The following TBCK variants were observed in gnomAD, a reference collection of about 807,000 sequenced individuals.
TBCK encodes TBC domain-containing protein kinase-like protein.
In TBCK, 99 loss-of-function variants were observed where a neutral mutation model predicts 113.4. The ratio of observed to expected loss-of-function variants is 0.87; its 90% CI spans 0.74 to 1.03. The LOEUF (loss-of-function observed/expected upper bound fraction) is 1.03. TBCK is among the 50% of genes least tolerant of loss of function. TBCK has a pLI of 0.00. For missense variants in TBCK, 1,045 were observed against 1,061.3 expected, an observed-to-expected ratio of 0.98 and a Z score of 0.21; for synonymous variants, 369 against 370.8, an observed-to-expected ratio of 1.00 and a Z score of 0.05.
At chr4:106,061,043 CA>C (rs58153651) in intron 25 of TBCK, among the ~76,000 whole-genome samples, 48,543 of 148,256 alleles carry the variant, frequency 0.33, 7,976 homozygotes, top group African/African-American at 0.37. Flanking sequence ...TATGAATGTG[CA>C]AAAAAAAAAG....
At chr4:106,197,001 C>T (rs953585830) in intron 20 of TBCK, among the ~76,000 whole-genome samples, 8 of 152,192 alleles carry the variant, frequency 5.3e-5, no homozygotes, top group African/African-American at 1.9e-4. Flanking sequence ...GATTTACCTC[C>T]TGAACTGAAA....
intron 8 of TBCK, 98 bp downstream of exon 8, chr4:106,248,823 A>T (rs1761115251): frequency 1.0e-6 from 1 of 961,118 alleles, no homozygotes; most frequent in African/African-American, 1.7e-5. Context: ...TAGTTTCAAT[A>T]ACTGTGGAAA....
At chr4:106,070,135 T>C (rs552115329) in intron 25 of TBCK, among the ~76,000 whole-genome samples, 13 of 152,248 alleles carry the variant, frequency 8.5e-5, no homozygotes, top group African/African-American at 2.9e-4. Context: ...CCTTTATTTC[T>C]TTCTCCTGCC....
intron 23 of TBCK, among the ~76,000 whole-genome samples, chr4:106,130,668 G>A (rs1425984164): frequency 6.6e-6 from 1 of 151,072 alleles, no homozygotes; most frequent in Admixed American, 6.6e-5. Flanking sequence ...CTGAGTAGTG[G>A]AATTAATTTT....
intron 25 of TBCK, among the ~76,000 whole-genome samples, chr4:106,064,895 T>A (rs1231715220): frequency 6.6e-6 from 1 of 151,872 alleles, no homozygotes; most frequent in Non-Finnish European, 1.5e-5. Flanking sequence ...AACAGCACAA[T>A]AACACATTAA....
chr4:106,280,041 A>G lies in TBCK; in HGVS notation c.266+15053T>C, dbSNP rs530162421. Among the ~76,000 whole-genome samples the G allele has an allele frequency of 2.5e-4, 38 of 152,256 alleles. No individual in the cohort carries two copies. In the South Asian group the frequency reaches 7.7e-3, roughly 31 times the overall value. On this transcript the variant is annotated intron_variant, in intron 3 of 25. Coordinates refer to ENST00000394708, the MANE Select transcript of TBCK (RefSeq NM_001163435.3). ...CTCCATAGCAGTTATACGAATTTAC[A>G]TTCCACCAATAGCGTAAAAGGGTTT...
At chr4:106,231,673 A>G in intron 18 of TBCK, 56 bp downstream of exon 18, 7 of 1,509,356 alleles carry the variant, frequency 4.6e-6, no homozygotes, top group South Asian at 3.6e-5. Context: ...TCATGTGTGA[A>G]TCAAATATTT....
chr4:106,265,458 G>C (rs1430832001), intron 3 of TBCK, among the ~76,000 whole-genome samples: 1 of 151,560 alleles, frequency 6.6e-6, no homozygotes, highest in Non-Finnish European at 1.5e-5. Flanking sequence ...TTAACTTTCT[G>C]TTTTAAGAGC....
At chr4:106,180,582 G>A (rs1752239318) in intron 22 of TBCK, among the ~76,000 whole-genome samples, 1 of 151,822 alleles carries the variant, frequency 6.6e-6, no homozygotes, top group Non-Finnish European at 1.5e-5. Flanking sequence ...CCCTCTCTGT[G>A]TCCATGTGTC....
At chr4:106,091,694 T>C (rs1303406607) in intron 25 of TBCK, among the ~76,000 whole-genome samples, 23 of 152,232 alleles carry the variant, frequency 1.5e-4, no homozygotes, top group African/African-American at 5.5e-4. Flanking sequence ...TGGTGAGTGT[T>C]ACAGCTCATA....
chr4:106,157,734 A>G (rs1749298155), intron 23 of TBCK, among the ~76,000 whole-genome samples: 1 of 152,130 alleles, frequency 6.6e-6, no homozygotes, highest in Non-Finnish European at 1.5e-5. Context: ...TTTCAGTGAC[A>G]TGAAGTTAAA....
intron 20 of TBCK, among the ~76,000 whole-genome samples, chr4:106,206,993 T>C (rs531887154): frequency 5.3e-5 from 8 of 152,300 alleles, no homozygotes; most frequent in African/African-American, 1.9e-4. Flanking sequence ...CTGAATACTA[T>C]TCACAGAATT....
chr4:106,181,413 T>C (rs547756680), intron 22 of TBCK, among the ~76,000 whole-genome samples: 2 of 152,310 alleles, frequency 1.3e-5, no homozygotes, highest in South Asian at 4.1e-4. Context: ...TTGCCATTGC[T>C]TTTGGTGTTT....
At chr4:106,219,429 G>T (rs1442995062) in intron 19 of TBCK, among the ~76,000 whole-genome samples, 4 of 150,514 alleles carry the variant, frequency 2.7e-5, no homozygotes, top group Non-Finnish European at 5.9e-5. Context: ...TATAAAAAAA[G>T]ACATAAGAAT....
intron 5 of TBCK, among the ~76,000 whole-genome samples, chr4:106,254,159 A>G (rs1338713167): frequency 2.0e-5 from 3 of 152,090 alleles, no homozygotes; most frequent in African/African-American, 7.2e-5. Context: ...CAAGGATTTT[A>G]TTTGGGACTT....
chr4:106,205,044 C>T (rs930672050), intron 20 of TBCK, among the ~76,000 whole-genome samples: 2 of 152,118 alleles, frequency 1.3e-5, no homozygotes, highest in African/African-American at 4.8e-5. Context: ...GGATTACACG[C>T]GTGAGCCACC....
chr4:106,146,133 T>C (rs1164835448), intron 23 of TBCK, among the ~76,000 whole-genome samples: 1 of 152,168 alleles, frequency 6.6e-6, no homozygotes, highest in Non-Finnish European at 1.5e-5. Context: ...AGCAAAGACC[T>C]AGAATCAGCC....
chr4:106,296,343 A>G (rs1055532241), intron 2 of TBCK, among the ~76,000 whole-genome samples: 1 of 152,204 alleles, frequency 6.6e-6, no homozygotes, highest in African/African-American at 2.4e-5. Context: ...AACACAAAAC[A>G]CAAAGACTGA....
Position 106,069,628 on chromosome 4 carries a change from A to G in TBCK, c.2572-22948T>C, listed in dbSNP as rs1043212695. Reference sequence around the variant, plus strand: ...GCTTAGAATTGTCTTGACAATGCCAACTGTTTTTTGGTTCCATATGAACTT... The same window carrying G: ...GCTTAGAATTGTCTTGACAATGCCAGCTGTTTTTTGGTTCCATATGAACTT... On this transcript the variant is annotated intron_variant, in intron 25 of 25. Transcript: ENST00000394708. Among the ~76,000 whole-genome samples the G allele has an allele frequency of 2.6e-5, 4 of 152,074 alleles. No homozygotes were observed. In the South Asian group the frequency reaches 6.2e-4, roughly 24 times the overall value.
Sources: gnomAD v4.1 joint callset for allele counts (sites outside exome capture counted in the v4.1 genomes callset) on GRCh38, gnomAD v4.1.1 for gene constraint, MANE v1.5 for transcripts, NCBI Gene and HGNC (gene_info 2026-07-23, HGNC 2026-07-21) for gene names.